KCNH1: variants seen among roughly 807,000 people sequenced by gnomAD.
The protein encoded by KCNH1 is voltage-gated delayed rectifier potassium channel KCNH1.
In KCNH1, 27 loss-of-function variants were observed where a neutral mutation model predicts 69.2. The ratio of observed to expected loss-of-function variants is 0.39; its 90% confidence interval spans 0.29 to 0.54. The LOEUF (loss-of-function observed/expected upper bound fraction) is 0.54. Among genes scored for constraint, KCNH1 ranks in the 20% least tolerant of loss-of-function variants. KCNH1 has a pLI of 0.68. For synonymous variants in KCNH1, 456 were observed against 487.7 expected (o/e 0.93, Z 0.86); for missense variants, 798 against 1,261.6 (o/e 0.63, Z 5.57).
chr1:210,817,916 T>A (rs1684852496), intron 7 of KCNH1, among the ~76,000 whole-genome samples: 1 of 152,160 alleles, frequency 6.6e-6, no homozygotes, highest in South Asian at 2.1e-4. Flanking sequence ...CATTGCAGCA[T>A]GTTTAGGGAC....
At chr1:211,127,668 T>C (rs553624167) in intron 1 of KCNH1, among the ~76,000 whole-genome samples, 5 of 152,182 alleles carry the variant, frequency 3.3e-5, no homozygotes, top group Admixed American at 6.5e-5. Flanking sequence ...AGGTACTAGA[T>C]TGTTTGGGCA....
chr1:210,850,339 G>GA (rs892912242), intron 7 of KCNH1, among the ~76,000 whole-genome samples: 14 of 148,388 alleles, frequency 9.4e-5, no homozygotes, highest in African/African-American at 1.2e-4. Context: ...CTCTACTGAA[G>GA]AAAAAAAAAA....
intron 5 of KCNH1, among the ~76,000 whole-genome samples, chr1:211,041,912 G>A (rs937573865): frequency 1.3e-5 from 2 of 152,022 alleles, no homozygotes; most frequent in African/African-American, 2.4e-5. Flanking sequence ...ATGCCAACAC[G>A]ACCAGCTAAT....
intron 7 of KCNH1, among the ~76,000 whole-genome samples, chr1:210,821,912 T>C (rs1226659271): frequency 6.6e-6 from 1 of 151,808 alleles, no homozygotes; most frequent in African/African-American, 2.4e-5. Flanking sequence ...TCATAGCTCA[T>C]TGCAGCCTCG....
chr1:210,745,240 GA>G (rs1050637381), intron 10 of KCNH1, among the ~76,000 whole-genome samples: 2 of 113,436 alleles, frequency 1.8e-5, no homozygotes, highest in African/African-American at 6.1e-5. Flanking sequence ...GTGCTATGAA[GA>G]AAAAAAAATG....
chr1:210,812,421 C>A (rs906376760), intron 7 of KCNH1, among the ~76,000 whole-genome samples: 5 of 152,164 alleles, frequency 3.3e-5, no homozygotes, highest in African/African-American at 4.8e-5. Flanking sequence ...AAGCCCTTTC[C>A]AATCTCTGCT....
At chr1:211,091,277 G>A (rs760870415) in intron 3 of KCNH1, among the ~76,000 whole-genome samples, 53 of 152,188 alleles carry the variant, frequency 3.5e-4, no homozygotes, top group Non-Finnish European at 6.5e-4. Flanking sequence ...TGCCTCCTGA[G>A]TGCAAGTGAT....
At chr1:210,818,495 G>A (rs1167933380) in intron 7 of KCNH1, among the ~76,000 whole-genome samples, 1 of 152,088 alleles carries the variant, frequency 6.6e-6, no homozygotes, top group Non-Finnish European at 1.5e-5. Flanking sequence ...GTGTGACTTG[G>A]AGCAAAACAC....
chr1:210,947,270 T>C (rs1687974776), intron 6 of KCNH1, among the ~76,000 whole-genome samples: 1 of 152,062 alleles, frequency 6.6e-6, no homozygotes, highest in South Asian at 2.1e-4. Context: ...GAAAAGCAAA[T>C]GTTAAAGCTC....
intron 5 of KCNH1, among the ~76,000 whole-genome samples, chr1:211,045,041 G>GATATATATATATATATAT (rs71134652): frequency 0.017 from 1,353 of 81,616 alleles, 142 homozygotes; most frequent in South Asian, 0.04. Flanking sequence ...AATTGTGGGG[G>GATATATATATATATATAT]ATATATATAT....
intron 7 of KCNH1, among the ~76,000 whole-genome samples, chr1:210,866,280 A>G (rs1338765257): frequency 6.6e-6 from 1 of 152,126 alleles, no homozygotes; most frequent in Non-Finnish European, 1.5e-5. Context: ...CTATATGAAA[A>G]CCTAAACTTT....
At chr1:210,964,869 C>G (rs574731029) in intron 6 of KCNH1, among the ~76,000 whole-genome samples, 3 of 152,088 alleles carry the variant, frequency 2.0e-5, no homozygotes, top group Non-Finnish European at 4.4e-5. Context: ...ACTGGCAAAC[C>G]GAATCCAGCA....
At chr1:210,979,085 G>A (rs529260398) in intron 6 of KCNH1, among the ~76,000 whole-genome samples, 1 of 152,232 alleles carries the variant, frequency 6.6e-6, no homozygotes, top group South Asian at 2.1e-4. Flanking sequence ...TTCTGAGATT[G>A]TCAATTCCAC....
chr1:210,871,635 A>G (rs1420567256), intron 7 of KCNH1, among the ~76,000 whole-genome samples: 1 of 152,118 alleles, frequency 6.6e-6, no homozygotes, highest in Non-Finnish European at 1.5e-5. Context: ...CACAATAGCA[A>G]AGACTTGGAA....
chr1:210,876,762 G>A (rs149732562), intron 7 of KCNH1, among the ~76,000 whole-genome samples: 1,639 of 152,112 alleles, frequency 0.011, 13 homozygotes, highest in South Asian at 0.017. Flanking sequence ...AGCACAAAGC[G>A]CTCAGCTCTG....
At chr1:210,718,190 A>G (rs1682310803) in intron 10 of KCNH1, among the ~76,000 whole-genome samples, 2 of 146,488 alleles carry the variant, frequency 1.4e-5, no homozygotes, top group South Asian at 4.3e-4. Context: ...TATGTCCAAA[A>G]TATAATACTC....
At chr1:210,765,102 C>A (rs1683599973) in intron 10 of KCNH1, among the ~76,000 whole-genome samples, 1 of 152,070 alleles carries the variant, frequency 6.6e-6, no homozygotes, top group Non-Finnish European at 1.5e-5. Context: ...AACTAATGCA[C>A]AAACAGAAAA....
At chr1:210,986,459 G>C (rs1218389091) in intron 6 of KCNH1, among the ~76,000 whole-genome samples, 2 of 152,164 alleles carry the variant, frequency 1.3e-5, no homozygotes, top group Non-Finnish European at 2.9e-5. Flanking sequence ...TCCTTCAGGA[G>C]CTCTTTTAGG....
chr1:210,750,282 T>A (rs2149042179), intron 10 of KCNH1, among the ~76,000 whole-genome samples: 1 of 152,290 alleles, frequency 6.6e-6, no homozygotes, highest in East Asian at 1.9e-4. Context: ...AAGTGCCTTG[T>A]CCAAAGTAAA....
Sources: allele counts gnomAD v4.1 joint callset (sites outside exome capture counted in the v4.1 genomes callset), GRCh38; gene constraint gnomAD v4.1.1; transcripts MANE v1.5; gene names NCBI Gene and HGNC (gene_info 2026-07-23, HGNC 2026-07-21).